ARHGAP15: variants seen among roughly 807,000 people sequenced by gnomAD.
ARHGAP15 encodes Rho GTPase activating protein 15, also known as rho GTPase-activating protein 15.
ARHGAP15 carries 51 observed loss-of-function variants against 63.7 expected under a neutral mutation model. That is an observed-to-expected ratio of 0.80 (90% CI 0.64 to 1.01). The LOEUF is 1.01. Ranked by LOEUF, ARHGAP15 falls within the 50% of genes least tolerant of loss-of-function variation. ARHGAP15 has a pLI of 0.00. For missense variants in ARHGAP15, 560 were observed against 564.6 expected (o/e 0.99, Z 0.08); for synonymous variants, 191 against 193.8 (o/e 0.99, Z 0.12).
At chr2:143,618,760 AT>A (rs1698539337) in intron 11 of ARHGAP15, among the ~76,000 whole-genome samples, 1 of 152,200 alleles carries the variant, frequency 6.6e-6, no homozygotes, top group African/African-American at 2.4e-5. Context: ...ATTGGACCTG[AT>A]ATCACAACTG....
chr2:143,766,017 G>C lies in ARHGAP15; in HGVS notation c.1245-1972G>C, dbSNP rs531868081. 6.1e-4 allele frequency among the ~76,000 whole-genome samples: 93 copies of C among 152,298 alleles called. 4 individuals are homozygous for C. The South Asian group carries it at 0.018, about 30-fold the overall frequency. ...TGGCCACAGTATGTGCCATGAGCTT[G>C]CTTGGTGGTGGGCAAGTACCAGGCA... On this transcript the variant is annotated intron_variant, in intron 13 of 13. Transcript: ENST00000295095.
intron 13 of ARHGAP15, among the ~76,000 whole-genome samples, chr2:143,714,347 G>A (rs1009640638): frequency 6.6e-6 from 1 of 152,198 alleles, no homozygotes; most frequent in African/African-American, 2.4e-5. Flanking sequence ...GCTGCACACA[G>A]CACAGGGACC....
chr2:143,470,189 A>G (rs1691450782), intron 8 of ARHGAP15, among the ~76,000 whole-genome samples: 1 of 151,078 alleles, frequency 6.6e-6, no homozygotes, highest in African/African-American at 2.4e-5. Flanking sequence ...AATGTATTCT[A>G]TTTTTCTTTA....
At chr2:143,183,800 G>T (rs577872485) in intron 2 of ARHGAP15, among the ~76,000 whole-genome samples, 3 of 150,424 alleles carry the variant, frequency 2.0e-5, no homozygotes, top group South Asian at 4.2e-4. Flanking sequence ...TTGACCAAAA[G>T]AAACTGTCCT....
chr2:143,510,499 T>C (rs757428670), intron 9 of ARHGAP15, among the ~76,000 whole-genome samples: 1 of 152,166 alleles, frequency 6.6e-6, no homozygotes, highest in Non-Finnish European at 1.5e-5. Flanking sequence ...ACAGTCGCTT[T>C]TTCTCCTTCT....
intron 11 of ARHGAP15, among the ~76,000 whole-genome samples, chr2:143,595,305 C>T (rs1697468903): frequency 6.6e-6 from 1 of 152,032 alleles, no homozygotes; most frequent in Non-Finnish European, 1.5e-5. Context: ...GCATCAGATC[C>T]TCGGCCCTTC....
At chr2:143,436,602 G>T (rs556411147) in intron 7 of ARHGAP15, among the ~76,000 whole-genome samples, 13 of 152,126 alleles carry the variant, frequency 8.5e-5, no homozygotes, top group Admixed American at 8.5e-4. Flanking sequence ...GTGGCCTTAG[G>T]CAAATTACTT....
chr2:143,574,899 G>T (rs546068821), intron 11 of ARHGAP15, among the ~76,000 whole-genome samples: 2 of 152,216 alleles, frequency 1.3e-5, no homozygotes, highest in South Asian at 2.1e-4. Context: ...GTTACCTTAC[G>T]TATTGTCATG....
rs200169659 is a variant in ARHGAP15 at position 143,450,102 on chromosome 2, C to CTTT, written c.703+13071_703+13073dup. Among the ~76,000 whole-genome samples the CTTT allele has an allele frequency of 1.1e-3, 120 of 110,712 alleles. 1 individual carries two copies. Among genetic ancestry groups the CTTT allele is most frequent in the African/African-American group, 2.8e-3 (87 of 31,076 alleles). The allele number at this position is 110,712 out of a possible 152,430, so 72.6% of individuals were successfully genotyped here. A position where few individuals can be genotyped will look rare whatever the true frequency, so the allele number is the denominator to read the frequency against. The stretch of plus-strand genomic sequence containing the variant: ...TTGTTATTGAGGTTTCATAATTAAT[C>CTTT]TTTTTTTTTTTTTCCTAGTAGGTAC... On this transcript the variant is annotated intron_variant, in intron 8 of 13. Transcript: ENST00000295095.
At chr2:143,662,520 A>G (rs1179413147) in intron 12 of ARHGAP15, among the ~76,000 whole-genome samples, 2 of 142,324 alleles carry the variant, frequency 1.4e-5, no homozygotes, top group Non-Finnish European at 1.6e-5. Context: ...CTCCTCCTCC[A>G]AAGGAACGCA....
intron 13 of ARHGAP15, among the ~76,000 whole-genome samples, chr2:143,747,347 G>T (rs975575217): frequency 3.9e-5 from 6 of 152,028 alleles, no homozygotes; most frequent in Non-Finnish European, 1.5e-5. Context: ...TGTTGGTGTG[G>T]TATATTTGTT....
intron 10 of ARHGAP15, among the ~76,000 whole-genome samples, chr2:143,544,006 C>T (rs1695220066): frequency 6.6e-6 from 1 of 152,124 alleles, no homozygotes; most frequent in Admixed American, 6.5e-5. Flanking sequence ...ATTGCTACCT[C>T]TTGTCTTTTG....
chr2:143,143,563 CTTTCTTTTT>C (rs935412062), intron 1 of ARHGAP15, among the ~76,000 whole-genome samples: 1 of 114,388 alleles, frequency 8.7e-6, no homozygotes, highest in Non-Finnish European at 1.8e-5. Context: ...GAGCTATTTT[CTTTCTTTTT>C]TTTTTTTTTG....
In ARHGAP15 at chr2:143,653,147, C is replaced by T. The variant is rs189248352; in HGVS notation, c.1138+28880C>T. Among the ~76,000 whole-genome samples the T allele has an allele frequency of 4.1e-3, 630 of 152,156 alleles. 2 individuals carry two copies. Among genetic ancestry groups the T allele is most frequent in the Middle Eastern group, 0.01 (3 of 294 alleles). Reference sequence around the variant, plus strand: ...CTACTGAGATGAACATAAGGTTTCTCTTTTCTAGTCTGTTAATACAACAAC... The same window carrying T: ...CTACTGAGATGAACATAAGGTTTCTTTTTTCTAGTCTGTTAATACAACAAC... On this transcript the variant is annotated intron_variant, in intron 12 of 13. Coordinates refer to ENST00000295095, the MANE Select transcript of ARHGAP15 (RefSeq NM_018460.4).
At chr2:143,314,633 C>T (rs1683612088) in intron 6 of ARHGAP15, 1 of 152,172 alleles carries the variant, frequency 6.6e-6, no homozygotes, top group Non-Finnish European at 1.5e-5. Context: ...TCTTAGGAAG[C>T]TTATACATCT....
chr2:143,639,084 C>T (rs1680482647), intron 12 of ARHGAP15, among the ~76,000 whole-genome samples: 1 of 151,990 alleles, frequency 6.6e-6, no homozygotes. Context: ...AAAGCTGTTA[C>T]TCTTAACCAC....
At chr2:143,241,063 T>A (rs2104947298) in intron 5 of ARHGAP15, among the ~76,000 whole-genome samples, 1 of 152,326 alleles carries the variant, frequency 6.6e-6, no homozygotes, top group African/African-American at 2.4e-5. Context: ...TTTTGGCCAA[T>A]GAAATGCATC....
chr2:143,680,520 G>A (rs1683052639), intron 12 of ARHGAP15, among the ~76,000 whole-genome samples: 1 of 152,178 alleles, frequency 6.6e-6, no homozygotes. Flanking sequence ...AATGGTGGGT[G>A]GGGAGATACC....
intron 13 of ARHGAP15, among the ~76,000 whole-genome samples, chr2:143,726,614 A>C (rs1336805853): frequency 6.6e-6 from 1 of 152,162 alleles, no homozygotes; most frequent in Admixed American, 6.5e-5. Flanking sequence ...ACTCCAAACC[A>C]CACCAAATTG....
Sources: gnomAD v4.1 joint callset for allele counts (sites outside exome capture counted in the v4.1 genomes callset) on GRCh38, gnomAD v4.1.1 for gene constraint, MANE v1.5 for transcripts, NCBI Gene and HGNC (gene_info 2026-07-23, HGNC 2026-07-21) for gene names.